The following USP25 variants were observed in gnomAD, a reference collection of about 807,000 sequenced individuals.
The protein encoded by USP25 is ubiquitin carboxyl-terminal hydrolase 25.
In USP25, 85 loss-of-function variants were observed where a neutral mutation model predicts 158.5. That is an observed-to-expected ratio of 0.54 (90% CI 0.45 to 0.64). The LOEUF is 0.64. USP25 is among the 30% of genes least tolerant of loss of function. The pLI is 0.00. For synonymous variants in USP25, 464 were observed against 460.4 expected (o/e 1.01, Z -0.10); for missense variants, 1,242 against 1,327.3 (o/e 0.94, Z 1.00).
At chr21:15,827,812 G>GC (rs1299128738) in intron 14 of USP25, among the ~76,000 whole-genome samples, 1 of 148,798 alleles carries the variant, frequency 6.7e-6, no homozygotes, top group Non-Finnish European at 1.5e-5. Flanking sequence ...GTGTCAAGTT[G>GC]CCATCTGTCC....
intron 5 of USP25, among the ~76,000 whole-genome samples, chr21:15,796,061 G>T (rs189625585): frequency 6.6e-6 from 1 of 151,308 alleles, no homozygotes; most frequent in African/African-American, 2.4e-5. Flanking sequence ...CTTCATTTTC[G>T]TAAGTGCTTT....
At chr21:15,764,968 A>G (rs1321082506) in intron 2 of USP25, among the ~76,000 whole-genome samples, 2 of 152,108 alleles carry the variant, frequency 1.3e-5, no homozygotes, top group Non-Finnish European at 2.9e-5. Context: ...CATGTCCCAC[A>G]TTTAATAAGA....
At chr21:15,756,824 C>T (rs926961787) in intron 1 of USP25, among the ~76,000 whole-genome samples, 1 of 151,954 alleles carries the variant, frequency 6.6e-6, no homozygotes, top group African/African-American at 2.4e-5. Flanking sequence ...GCATCTTGCC[C>T]CTTTGGTTTA....
At chr21:15,756,551 T>C (rs2033390134) in intron 1 of USP25, among the ~76,000 whole-genome samples, 1 of 152,162 alleles carries the variant, frequency 6.6e-6, no homozygotes, top group Non-Finnish European at 1.5e-5. Context: ...AAACAGATTT[T>C]AAAAATACCC....
rs1361332037 is a variant in USP25, at chr21:15,777,951, A to G, written c.316A>G (p.Ile106Val). The G allele has an allele frequency of 8.1e-6, 13 of 1,612,394 alleles. No individual in the cohort carries two copies. The Admixed American group carries it at 1.2e-4, about 15-fold the overall frequency. ...GDDKDDLQRA[I>V]ALSLAESNRA... ...TGATAAAGATGATCTTCAGAGAGCA[A>G]TTGCCTTGAGTTTGGCCGAATCAAA... is the stretch of plus-strand genomic sequence containing the variant. The change falls in exon 4 of 26, where the codon ATT (isoleucine) becomes GTT (valine). Residue 106 changes from isoleucine to valine, a missense_variant. Physicochemically the swap from Ile to Val is conservative, Grantham distance 29. Around this residue, in one of 3 missense-constraint regions of USP25, gnomAD observed 627 missense variants for 701.4 expected, o/e 0.89. Transcript: ENST00000400183.
intron 8 of USP25, among the ~76,000 whole-genome samples, 192 bp from the exon 9 acceptor site, chr21:15,810,945 G>T (rs376609918): frequency 6.6e-6 from 1 of 152,078 alleles, no homozygotes; most frequent in Admixed American, 6.5e-5. Context: ...ATAGTTATCC[G>T]CAGTTGACAG....
intron 1 of USP25, among the ~76,000 whole-genome samples, chr21:15,762,379 C>G (rs2033780878): frequency 6.6e-6 from 1 of 152,058 alleles, no homozygotes; most frequent in African/African-American, 2.4e-5. Context: ...ATATAAAGAA[C>G]TGAAGCAAAT....
chr21:15,814,966 A>G (rs2036860952), intron 9 of USP25, among the ~76,000 whole-genome samples: 2 of 152,174 alleles, frequency 1.3e-5, no homozygotes, highest in Admixed American at 6.5e-5. Context: ...AGCCCCTCCC[A>G]TCATAGACCC....
chr21:15,777,808 T>A (rs2034744010), intron 3 of USP25, 96 bp from the exon 4 acceptor site: 4 of 1,162,166 alleles, frequency 3.4e-6, no homozygotes, highest in Non-Finnish European at 4.6e-6. Flanking sequence ...TGGTACTGAC[T>A]GGTTTAAAGA....
intron 9 of USP25, among the ~76,000 whole-genome samples, chr21:15,818,374 C>T (rs1313896046): frequency 6.6e-6 from 1 of 152,074 alleles, no homozygotes; most frequent in African/African-American, 2.4e-5. Context: ...AGCTCAGGGA[C>T]CATATCTCTC....
intron 5 of USP25, among the ~76,000 whole-genome samples, chr21:15,796,152 G>A (rs2035852764): frequency 6.6e-6 from 1 of 151,536 alleles, no homozygotes; most frequent in Non-Finnish European, 1.5e-5. Context: ...TCTTCAGGCA[G>A]TAAAAGTTAC....
chr21:15,859,266 C>T (rs1241255869), intron 20 of USP25, among the ~76,000 whole-genome samples: 5 of 151,284 alleles, frequency 3.3e-5, no homozygotes, highest in Admixed American at 6.6e-5. Flanking sequence ...CATCTTGGCT[C>T]ACTGCAGGCT....
At chr21:15,827,868 CT>C (rs371874595) in intron 14 of USP25, among the ~76,000 whole-genome samples, 3,680 of 142,314 alleles carry the variant, frequency 0.026, 157 homozygotes, top group African/African-American at 0.086. Context: ...TCTATTTTTT[CT>C]TTTTTTTCAG....
chr21:15,790,066 C>T (rs968424464), intron 4 of USP25, among the ~76,000 whole-genome samples: 6 of 152,008 alleles, frequency 3.9e-5, no homozygotes, highest in Non-Finnish European at 5.9e-5. Flanking sequence ...CTTTCTATCT[C>T]TCCCTTGTAT....
At position 15,762,986 on chromosome 21, in the gene USP25, T is replaced by C. The variant is rs1236845021; in HGVS notation, c.123+18T>C. 6 of 1,601,672 alleles carry C rather than the reference T, an allele frequency of 3.7e-6. No homozygotes were observed. In the East Asian group the frequency reaches 1.3e-4, roughly 36 times the overall value. On this transcript the variant is annotated intron_variant, in intron 2 of 25. Transcript: ENST00000400183. ...CCTTGAAGGTATGGCCTCTGTTTTA[T>C]GATATACAGTTTGTGGTATATGCTC... is the stretch of plus-strand genomic sequence containing the variant.
At chr21:15,751,009 A>T (rs1000867009) in intron 1 of USP25, among the ~76,000 whole-genome samples, 2 of 152,224 alleles carry the variant, frequency 1.3e-5, no homozygotes, top group Non-Finnish European at 2.9e-5. Context: ...GGGTCCAGTG[A>T]GGACAAAGAA....
At chr21:15,796,016 A>AT (rs987711499) in intron 5 of USP25, among the ~76,000 whole-genome samples, 3 of 151,474 alleles carry the variant, frequency 2.0e-5, no homozygotes. Flanking sequence ...CTTATCCCCC[A>AT]TTATGTCTTT....
intron 1 of USP25, among the ~76,000 whole-genome samples, chr21:15,734,325 G>T (rs1223338951): frequency 6.6e-6 from 1 of 152,134 alleles, no homozygotes; most frequent in Non-Finnish European, 1.5e-5. Flanking sequence ...ATTATCTAAG[G>T]TTATAAAACT....
At position 15,877,896 on chromosome 21, in the gene USP25, C is replaced by T; in HGVS notation, c.3110C>T (p.Pro1037Leu). ...IMNEFIVPFL[P>L]LLLVDEMEEK... ...AATGAGTTTATTGTCCCATTTTTGC[C>T]ATTATTACTGGTGGATGAAATGGAA... The change falls in exon 25 of 26, where the codon CCA becomes CTA. Residue 1037 changes from proline (P) to leucine (L), a missense_variant. Pro to Leu is a moderately conservative substitution (Grantham distance 98, BLOSUM62 -3). Around this residue, in one of 3 missense-constraint regions of USP25, gnomAD observed 608 missense variants for 605.2 expected, o/e 1.00. Coordinates refer to ENST00000400183, the MANE Select transcript of USP25 (RefSeq NM_001283041.3). 1 of 1,613,008 alleles carries T rather than the reference C, an allele frequency of 6.2e-7. No homozygotes were observed. Among genetic ancestry groups the T allele is most frequent in the South Asian group, 1.1e-5 (1 of 90,986 alleles).
Sources: gnomAD v4.1 joint callset for allele counts (sites outside exome capture counted in the v4.1 genomes callset) on GRCh38, gnomAD v4.1.1 for gene constraint, gnomAD v4.1.1 regional missense constraint, MANE v1.5 for transcripts, NCBI Gene and HGNC (gene_info 2026-07-23, HGNC 2026-07-21) for gene names.